Variants in RBPMS observed in about 807,000 individuals in gnomAD.
The protein encoded by RBPMS is RNA-binding protein with multiple splicing.
A neutral mutation model predicts 26.8 loss-of-function variants in RBPMS; 7 were observed. The ratio of observed to expected loss-of-function variants is 0.26; its 90% CI spans 0.15 to 0.49. RBPMS has a LOEUF of 0.49. Among genes scored for constraint, RBPMS ranks in the 20% least tolerant of loss-of-function variants. The pLI is 0.98. For synonymous variants in RBPMS, 96 were observed against 93.3 expected, an observed-to-expected ratio of 1.03 and a Z score of -0.17; for missense variants, 186 against 250.0, an observed-to-expected ratio of 0.74 and a Z score of 1.73.
intron 1 of RBPMS, 123 bp from the exon 2 acceptor site, chr8:30,474,656 A>G (rs1167988924): frequency 2.7e-5 from 17 of 641,160 alleles, no homozygotes; most frequent in Non-Finnish European, 4.4e-5. Flanking sequence ...TGTATCATGG[A>G]AAGAGCATGA....
chr8:30,541,196 TG>T (rs1469700737), intron 5 of RBPMS, among the ~76,000 whole-genome samples: 1 of 152,180 alleles, frequency 6.6e-6, no homozygotes, highest in African/African-American at 2.4e-5. Flanking sequence ...GACCGTAGAC[TG>T]TAAGCTTCAC....
At chr8:30,556,402 C>T (rs1316943405) in intron 6 of RBPMS, 5 of 985,858 alleles carry the variant, frequency 5.1e-6, no homozygotes, top group East Asian at 1.1e-4. Flanking sequence ...GGGCTGTGTG[C>T]GAGAGCTGGT....
chr8:30,549,072 ACT>A (rs1826086597), intron 6 of RBPMS, among the ~76,000 whole-genome samples: 1 of 151,934 alleles, frequency 6.6e-6, no homozygotes, highest in Non-Finnish European at 1.5e-5. Flanking sequence ...CAAGGCAAGG[ACT>A]CTGATGGTTT....
intron 1 of RBPMS, among the ~76,000 whole-genome samples, chr8:30,432,771 T>G (rs1812070833): frequency 3.3e-5 from 5 of 151,968 alleles, no homozygotes; most frequent in Admixed American, 3.3e-4. Flanking sequence ...TTCTTTGTTA[T>G]TGTTGACCAC....
At chr8:30,551,665 G>A (rs1021135813) in intron 6 of RBPMS, among the ~76,000 whole-genome samples, 1 of 152,144 alleles carries the variant, frequency 6.6e-6, no homozygotes, top group Admixed American at 6.5e-5. Context: ...TGGAAGTGCC[G>A]TCTGCGCTCG....
chr8:30,525,983 C>A (rs1178875659), intron 5 of RBPMS, among the ~76,000 whole-genome samples: 1 of 152,340 alleles, frequency 6.6e-6, no homozygotes, highest in African/African-American at 2.4e-5. Flanking sequence ...GCACTTAAAT[C>A]CCAGATTAGT....
chr8:30,441,042 C>T (rs1813015496), intron 1 of RBPMS, among the ~76,000 whole-genome samples: 1 of 151,910 alleles, frequency 6.6e-6, no homozygotes, highest in South Asian at 2.1e-4. Context: ...CTATGATGCC[C>T]AGGCTGGTCA....
At chr8:30,529,923 T>C (rs944582227) in intron 5 of RBPMS, among the ~76,000 whole-genome samples, 1 of 151,986 alleles carries the variant, frequency 6.6e-6, no homozygotes, top group Non-Finnish European at 1.5e-5. Flanking sequence ...CTGGCCAATT[T>C]TGTATTTTTT....
chr8:30,484,129 C>T (rs1818549887), intron 4 of RBPMS, among the ~76,000 whole-genome samples: 1 of 152,082 alleles, frequency 6.6e-6, no homozygotes, highest in Non-Finnish European at 1.5e-5. Context: ...ATGTGGTGAT[C>T]ATATGTTAGC....
chr8:30,427,424 T>G lies in RBPMS; in HGVS notation c.66+42266T>G, dbSNP rs191260955. On this transcript the variant is annotated intron_variant, in intron 1 of 8. Transcript: ENST00000397323. ...CTGAATTCCCTCACCTCACACTGAG[T>G]TCACTCACCTTTACGTATTTCAGCA... Among the ~76,000 whole-genome samples the G allele has an allele frequency of 6.1e-4, 93 of 152,262 alleles. 2 individuals carry two copies. Among genetic ancestry groups the G allele is most frequent in the South Asian group, 1.7e-3 (8 of 4,824 alleles).
intron 5 of RBPMS, among the ~76,000 whole-genome samples, chr8:30,530,526 G>A (rs1331702951): frequency 2.6e-5 from 4 of 152,004 alleles, no homozygotes; most frequent in South Asian, 4.1e-4. Flanking sequence ...GCAGTGGTGC[G>A]ATCTCAGCTC....
At chr8:30,561,838 C>G in intron 7 of RBPMS, 1 of 984,844 alleles carries the variant, frequency 1.0e-6, no homozygotes. Context: ...ATGTAGGCCA[C>G]AGAGAAGACA....
intron 1 of RBPMS, among the ~76,000 whole-genome samples, chr8:30,408,130 C>A (rs1808862492): frequency 6.6e-6 from 1 of 152,192 alleles, no homozygotes; most frequent in Non-Finnish European, 1.5e-5. Context: ...GTCTTTTCTA[C>A]TTCTTCCATC....
Position 30,384,833 on chromosome 8 carries a change from C to T in RBPMS, c.-260C>T. The T allele has an allele frequency of 3.2e-6, 1 of 315,736 alleles. No individual in the cohort carries two copies. Among genetic ancestry groups the T allele is most frequent in the East Asian group, 5.3e-5 (1 of 18,994 alleles). The allele number at this position is 315,736 out of a possible 1,614,324, so 19.6% of individuals were successfully genotyped here. ...CTCCCGGGGCCCGATTGTCTCGGTG[C>T]CCCGCTCCCGGCCCGCGCCCTGCCC... On this transcript the variant is annotated 5_prime_UTR_variant, in exon 1 of 9. Coordinates refer to ENST00000397323, the MANE Select transcript of RBPMS (RefSeq NM_001008710.3). This position sits in a 1 kb window ranked among gnomAD's most constrained non-coding sequence, Gnocchi z 5.6.
intron 4 of RBPMS, among the ~76,000 whole-genome samples, chr8:30,490,281 A>G (rs1193794687): frequency 2.0e-5 from 3 of 152,238 alleles, no homozygotes; most frequent in Non-Finnish European, 4.4e-5. Flanking sequence ...TCAAGCCTAT[A>G]AAATATTGTA....
chr8:30,543,067 T>C (rs1825552088), intron 5 of RBPMS, among the ~76,000 whole-genome samples: 1 of 152,128 alleles, frequency 6.6e-6, no homozygotes, highest in East Asian at 1.9e-4. Flanking sequence ...ACTGCCTTGT[T>C]GAGAGGAGAA....
chr8:30,502,584 G>T (rs1265976756), intron 4 of RBPMS, among the ~76,000 whole-genome samples: 1 of 152,172 alleles, frequency 6.6e-6, no homozygotes, highest in Admixed American at 6.5e-5. Context: ...TACTATGTGT[G>T]TCTGATGGAG....
At chr8:30,516,267 T>C (rs1028741165) in intron 5 of RBPMS, among the ~76,000 whole-genome samples, 49 of 152,078 alleles carry the variant, frequency 3.2e-4, no homozygotes, top group African/African-American at 1.2e-3. Context: ...CACCTGTAAT[T>C]CCAGCTCCTC....
chr8:30,422,996 C>G (rs1421199774), intron 1 of RBPMS, among the ~76,000 whole-genome samples: 1 of 152,182 alleles, frequency 6.6e-6, no homozygotes, highest in Non-Finnish European at 1.5e-5. Context: ...TTGTAGCCAT[C>G]ATGTTCATTG....
Sources: allele counts gnomAD v4.1 joint callset (sites outside exome capture counted in the v4.1 genomes callset), GRCh38; gene constraint gnomAD v4.1.1; non-coding constraint Gnocchi (gnomAD v3.1); transcripts MANE v1.5; gene names NCBI Gene and HGNC (gene_info 2026-07-23, HGNC 2026-07-21).